Variants in SLC6A9 observed in about 807,000 individuals in gnomAD.
SLC6A9 encodes the protein solute carrier family 6 member 9.
A neutral mutation model predicts 70.9 loss-of-function variants in SLC6A9; 31 were observed. The ratio of observed to expected loss-of-function variants is 0.44; its 90% CI spans 0.33 to 0.59. SLC6A9 has a LOEUF of 0.59. Ranked by LOEUF, SLC6A9 falls within the 20% of genes least tolerant of loss-of-function variation. SLC6A9 has a pLI of 0.04. For missense variants in SLC6A9, 631 were observed against 845.2 expected (o/e 0.75, Z 3.14); for synonymous variants, 310 against 341.3 (o/e 0.91, Z 1.01).
chr1:43,997,672 C>A lies in SLC6A9; in HGVS notation c.1775G>T (p.Arg592Leu). 1 of 1,613,136 alleles carries A rather than the reference C, an allele frequency of 6.2e-7. No homozygotes were observed. The highest frequency in any genetic ancestry group is 8.5e-7 in the Non-Finnish European group (1 of 1,179,720). Residue 592 changes from arginine (R) to leucine (L), a missense_variant, in exon 14 of 14, where the codon CGC (arginine) becomes CTC (leucine). Transcript: ENST00000372310. This position sits in a 1 kb window ranked among gnomAD's most constrained non-coding sequence, Gnocchi z 4.4. ...AGAGGGGGCTATGGTGGGGGCGTAGCGCCCTGTCCGGTGCTCCAGGAGGGC... is the reference window on the plus strand; with the variant it reads ...AGAGGGGGCTATGGTGGGGGCGTAGAGCCCTGTCCGGTGCTCCAGGAGGGC... Reference protein sequence around the residue: ...GPALLEHRTGRYAPTIAPSPE... With the variant: ...GPALLEHRTGLYAPTIAPSPE...
intron 2 of SLC6A9, among the ~76,000 whole-genome samples, chr1:44,016,224 T>C (rs1421557096): frequency 6.6e-6 from 1 of 152,146 alleles, no homozygotes; most frequent in Non-Finnish European, 1.5e-5. Context: ...TCATGTCCTG[T>C]GCTGCAGCGG....
At chr1:44,012,351 C>A (rs2086600930) in intron 2 of SLC6A9, among the ~76,000 whole-genome samples, 1 of 152,230 alleles carries the variant, frequency 6.6e-6, no homozygotes, top group Non-Finnish European at 1.5e-5. Flanking sequence ...GGCACTGCAG[C>A]ACAGACACCT....
chr1:44,021,157 A>G (rs529858803), intron 2 of SLC6A9, among the ~76,000 whole-genome samples: 25 of 151,962 alleles, frequency 1.6e-4, no homozygotes, highest in Admixed American at 1.0e-3. Context: ...GTCCTTTGAG[A>G]CCTAGGTGGC....
chr1:44,017,495 G>A (rs1186356526), intron 2 of SLC6A9, among the ~76,000 whole-genome samples: 1 of 152,234 alleles, frequency 6.6e-6, no homozygotes, highest in African/African-American at 2.4e-5. Flanking sequence ...CTAGCACTGG[G>A]TGGGCTCCTG....
intron 2 of SLC6A9, chr1:44,017,380 C>G (rs1275421896): frequency 8.8e-7 from 1 of 1,132,612 alleles, no homozygotes; most frequent in South Asian, 1.9e-5. Context: ...CACACACACA[C>G]ACACACACAC....
chr1:44,001,503 C>T lies in SLC6A9; in HGVS notation c.1087G>A (p.Gly363Ser), dbSNP rs770924272. ...TAAGCCACGAAGGCCAGGCCAGGGC[C>T]GTGGTCTGCCACACGGGACACATCC... ...GVDVSRVADH[G>S]PGLAFVAYPE... The change falls in exon 9 of 14, where the codon GGC (glycine) becomes AGC (serine). Residue 363 changes from glycine (G) to serine (S), a missense_variant. Transcript: ENST00000372310. The T allele has an allele frequency of 6.2e-7, 1 of 1,614,200 alleles. No homozygotes were observed. Among genetic ancestry groups the T allele is most frequent in the Non-Finnish European group, 8.5e-7 (1 of 1,180,032 alleles).
At position 43,997,610 on chromosome 1, in the gene SLC6A9, C is replaced by T. The variant is rs1255122708; in HGVS notation, c.1837G>A (p.Asp613Asn). ...DGFEVQPLHPDKAQIPIVGSN... is the reference protein window; with the variant it reads ...DGFEVQPLHPNKAQIPIVGSN... ...CCCACAATGGGGATCTGCGCCTTGT[C>T]CGGGTGCAGTGGCTGGACCTCGAAG... The change falls in exon 14 of 14, where the codon GAC (aspartate) becomes AAC (asparagine). Residue 613 changes from aspartate to asparagine, a missense_variant. Asp to Asn is a conservative substitution (Grantham distance 23). Coordinates refer to ENST00000372310, the MANE Select transcript of SLC6A9 (RefSeq NM_001024845.3). This position sits in a 1 kb window ranked among gnomAD's most constrained non-coding sequence, Gnocchi z 4.4. The T allele has an allele frequency of 6.2e-7, 1 of 1,613,976 alleles. No individual in the cohort carries two copies. The highest frequency in any genetic ancestry group is 8.5e-7 in the Non-Finnish European group (1 of 1,180,006).
At chr1:44,017,368 AACACACACACACACACACACACACAC>A in intron 2 of SLC6A9, 1 of 827,102 alleles carries the variant, frequency 1.2e-6, no homozygotes, top group Non-Finnish European at 1.6e-6. Context: ...TAACTGGAAC[AACACACACACACACACACACACACAC>A]ACACACACAC....
chr1:44,030,394 C>G (rs2087083166), intron 1 of SLC6A9: 1 of 152,270 alleles, frequency 6.6e-6, no homozygotes, highest in African/African-American at 2.4e-5. Context: ...CGGCCCCTCC[C>G]GGCCCTCCGG....
Position 43,997,585 on chromosome 1 carries a change from C to T in SLC6A9, c.1862G>A (p.Gly621Asp), listed in dbSNP as rs759939457. 31 of 1,613,692 alleles carry T rather than the reference C, an allele frequency of 1.9e-5. No homozygotes were observed. In the African/African-American group the frequency reaches 3.2e-4, roughly 17 times the overall value. Reference protein sequence around the residue: ...HPDKAQIPIVGSNGSSRLQDS... With the variant: ...HPDKAQIPIVDSNGSSRLQDS... Reference sequence around the variant, plus strand: ...CTGGAGGCGGCTGGAGCCATTACTGCCCACAATGGGGATCTGCGCCTTGTC... The same window carrying T: ...CTGGAGGCGGCTGGAGCCATTACTGTCCACAATGGGGATCTGCGCCTTGTC... The change falls in exon 14 of 14, where the codon GGC becomes GAC. Residue 621 changes from glycine to aspartate, a missense_variant. By Grantham distance (94) the Gly-to-Asp change is moderately conservative. Coordinates refer to ENST00000372310, the MANE Select transcript of SLC6A9 (RefSeq NM_001024845.3). The surrounding 1 kb of genome is among the most constrained non-coding windows in gnomAD (Gnocchi z 4.4).
intron 12 of SLC6A9, 76 bp from the exon 13 acceptor site, chr1:43,998,101 C>G (rs1174402216): frequency 5.1e-6 from 7 of 1,360,564 alleles, no homozygotes; most frequent in Non-Finnish European, 7.0e-6. Context: ...CTACCAGCAC[C>G]CTTTCCTCTC....
intron 3 of SLC6A9, 165 bp downstream of exon 3, chr1:44,010,561 C>A: frequency 1.7e-6 from 1 of 578,410 alleles, no homozygotes; most frequent in Non-Finnish European, 3.0e-6. Flanking sequence ...CTGGGGTGGC[C>A]TGCCTTAGGC....
intron 5 of SLC6A9, among the ~76,000 whole-genome samples, chr1:44,008,150 G>A (rs1485809314): frequency 6.6e-6 from 1 of 152,176 alleles, no homozygotes; most frequent in East Asian, 1.9e-4. Flanking sequence ...TTACAGGCAT[G>A]AGCCACCGTG....
chr1:44,008,363 C>T lies in SLC6A9; in HGVS notation c.580G>A (p.Glu194Lys). 1 of 1,614,060 alleles carries T rather than the reference C, an allele frequency of 6.2e-7. No individual in the cohort carries two copies. The highest frequency in any genetic ancestry group is 8.5e-7 in the Non-Finnish European group (1 of 1,179,950). ...HSLQRTSPSE[E>K]YWRLYVLKLS... ...CTGCAGGTGCCTCACCTCCAGTACT[C>T]CTCGCTGGGGCTGGTCCTCTGGAGG... Residue 194 changes from glutamate to lysine, a missense_variant, in exon 5 of 14, where the codon GAG becomes AAG. Physicochemically the swap from Glu to Lys is moderately conservative, Grantham distance 56 (BLOSUM62 1). Transcript: ENST00000372310.
chr1:44,022,930 T>A (rs1281660173), intron 2 of SLC6A9, among the ~76,000 whole-genome samples: 1 of 152,008 alleles, frequency 6.6e-6, no homozygotes, highest in African/African-American at 2.4e-5. Flanking sequence ...GGTCTCAAAC[T>A]CCTGATCTCA....
chr1:44,010,712 T>C lies in SLC6A9; in HGVS notation c.187+14A>G. 1 of 1,613,424 alleles carries C rather than the reference T, an allele frequency of 6.2e-7. No homozygotes were observed. The highest frequency in any genetic ancestry group is 1.1e-5 in the South Asian group (1 of 91,034). On this transcript the variant is annotated intron_variant, in intron 3 of 13. Transcript: ENST00000372310. ...ACCCAAGTGGGTGGTCCCTGCCCTGTGCCCACTGGGTACCTCCCCCGTTGC... is the reference window on the plus strand; with the variant it reads ...ACCCAAGTGGGTGGTCCCTGCCCTGCGCCCACTGGGTACCTCCCCCGTTGC...
chr1:44,031,056 G>A (rs1291806956), intron 1 of SLC6A9, among the ~76,000 whole-genome samples: 1 of 150,772 alleles, frequency 6.6e-6, no homozygotes, highest in African/African-American at 2.4e-5. Flanking sequence ...GCTCCTTGGT[G>A]ACAGCGGTGA....
chr1:44,011,044 C>T (rs2086547993), intron 2 of SLC6A9, among the ~76,000 whole-genome samples, 162 bp from the exon 3 acceptor site: 1 of 152,222 alleles, frequency 6.6e-6, no homozygotes, highest in Admixed American at 6.5e-5. Context: ...AGGAGGGAAG[C>T]AGAGAGTAGT....
chr1:44,028,167 G>A (rs1308689566), intron 1 of SLC6A9, among the ~76,000 whole-genome samples: 1 of 152,172 alleles, frequency 6.6e-6, no homozygotes, highest in Non-Finnish European at 1.5e-5. Context: ...AGAAGAGGAA[G>A]AGAGAGTCAA....
Sources: allele counts gnomAD v4.1 joint callset (sites outside exome capture counted in the v4.1 genomes callset), GRCh38; gene constraint gnomAD v4.1.1; non-coding constraint Gnocchi (gnomAD v3.1); transcripts MANE v1.5; gene names NCBI Gene and HGNC (gene_info 2026-07-23, HGNC 2026-07-21).